The following TRPC4AP variants were observed in gnomAD, a reference collection of about 807,000 sequenced individuals.
The protein encoded by TRPC4AP is short transient receptor potential channel 4-associated protein.
A neutral mutation model predicts 99.0 loss-of-function variants in TRPC4AP; 45 were observed. The ratio of observed to expected loss-of-function variants is 0.45; its 90% CI spans 0.36 to 0.58. The LOEUF (loss-of-function observed/expected upper bound fraction) is 0.58. Ranked by LOEUF, TRPC4AP falls within the 20% of genes least tolerant of loss-of-function variation. TRPC4AP has a pLI of 0.00. For missense variants in TRPC4AP, 879 were observed against 985.3 expected (o/e 0.89, Z 1.44); for synonymous variants, 408 against 385.8 (o/e 1.06, Z -0.67).
At chr20:35,040,360 C>T (rs2083419362) in intron 7 of TRPC4AP, among the ~76,000 whole-genome samples, 1 of 151,986 alleles carries the variant, frequency 6.6e-6, no homozygotes, top group Non-Finnish European at 1.5e-5. Context: ...CAGTGGGAGG[C>T]GATGGAGGAA....
chr20:35,077,761 T>C (rs915671627), intron 2 of TRPC4AP, among the ~76,000 whole-genome samples: 1 of 152,148 alleles, frequency 6.6e-6, no homozygotes, highest in African/African-American at 2.4e-5. Context: ...AATCACAGGA[T>C]AGTGTTGACC....
At chr20:35,067,039 C>G (rs1293152498) in intron 3 of TRPC4AP, among the ~76,000 whole-genome samples, 2 of 152,142 alleles carry the variant, frequency 1.3e-5, no homozygotes, top group Admixed American at 6.5e-5. Flanking sequence ...AGAGATATAT[C>G]TCAACTAAGA....
At chr20:35,042,177 C>T (rs1305728757) in intron 7 of TRPC4AP, among the ~76,000 whole-genome samples, 4 of 152,024 alleles carry the variant, frequency 2.6e-5, no homozygotes, top group Admixed American at 1.3e-4. Flanking sequence ...GGAAGAAAAC[C>T]GTACACAGAC....
At chr20:35,064,385 T>G (rs1569136120) in intron 3 of TRPC4AP, among the ~76,000 whole-genome samples, 1 of 152,230 alleles carries the variant, frequency 6.6e-6, no homozygotes, top group African/African-American at 2.4e-5. Flanking sequence ...CTTGAGGGTC[T>G]GAGAAAGCCT....
Position 35,002,465 on chromosome 20 carries a change from A to C in TRPC4AP, c.*681T>G. The C allele has an allele frequency of 2.9e-6, 1 of 344,686 alleles. No homozygotes were observed. Among genetic ancestry groups the C allele is most frequent in the Non-Finnish European group, 5.2e-6 (1 of 192,798 alleles). 21.4% of individuals were successfully genotyped at this position (344,686 alleles called of 1,614,324 possible). A position where few individuals can be genotyped will look rare whatever the true frequency, so the allele number is the denominator to read the frequency against. ...TAATTGGTTTATTTGCTGTTAATAAATTGGCAACACAAGGAAGGGCCCCAT... is the reference window on the plus strand; with the variant it reads ...TAATTGGTTTATTTGCTGTTAATAACTTGGCAACACAAGGAAGGGCCCCAT... On this transcript the variant is annotated 3_prime_UTR_variant, in exon 19 of 19. Transcript: ENST00000252015.
chr20:35,013,216 C>G, intron 10 of TRPC4AP, 150 bp from the exon 11 acceptor site: 1 of 674,770 alleles, frequency 1.5e-6, no homozygotes, highest in Non-Finnish European at 2.6e-6. Flanking sequence ...CATCTGTTCA[C>G]TTCCACATCT....
chr20:35,062,127 T>C (rs6060194), intron 3 of TRPC4AP, among the ~76,000 whole-genome samples: 121,309 of 152,150 alleles, frequency 0.8, 48,927 homozygotes, highest in African/African-American at 0.9. Flanking sequence ...ACTACGATGG[T>C]TATAATGAAA....
At position 35,056,400 on chromosome 20, in the gene TRPC4AP, G is replaced by A. The variant is rs2083825623; in HGVS notation, c.472+1114C>T. Among the ~76,000 whole-genome samples, 3 of 152,066 alleles carry A rather than the reference G, an allele frequency of 2.0e-5. No homozygotes were observed. The South Asian group carries it at 6.2e-4, about 32-fold the overall frequency. On this transcript the variant is annotated intron_variant, in intron 4 of 18. Transcript: ENST00000252015. ...TGGGAAGAAGAGAGACTAAACAAGT[G>A]CACCAACAAATAATTACAATATGCT...
chr20:35,020,803 T>A (rs1199409087), intron 9 of TRPC4AP, among the ~76,000 whole-genome samples: 4 of 152,234 alleles, frequency 2.6e-5, no homozygotes, highest in African/African-American at 9.6e-5. Context: ...CTTGCCCAGT[T>A]TTCCTAAGCA....
chr20:35,037,103 T>C (rs1403855531), intron 7 of TRPC4AP, among the ~76,000 whole-genome samples: 2 of 152,020 alleles, frequency 1.3e-5, no homozygotes, highest in East Asian at 1.9e-4. Context: ...TCCCAGCACT[T>C]TGGGAGGCCG....
chr20:35,054,873 G>C (rs1220337142), intron 5 of TRPC4AP, 103 bp downstream of exon 5: 2 of 1,022,058 alleles, frequency 2.0e-6, no homozygotes, highest in Admixed American at 4.2e-5. Flanking sequence ...CCCACTGTCT[G>C]AAAGCAGCTC....
intron 3 of TRPC4AP, among the ~76,000 whole-genome samples, chr20:35,059,671 AAAG>A (rs71196782): frequency 0.39 from 59,606 of 150,990 alleles, 12,876 homozygotes; most frequent in East Asian, 0.58. Context: ...AAAAGAAAAA[AAAG>A]AAGAAGAAGA....
Position 35,015,893 on chromosome 20 carries a change from T to C in TRPC4AP, c.1350+115A>G, listed in dbSNP as rs888538810. 8.8e-6 allele frequency: 12 copies of C among 1,356,530 alleles called. No individual in the cohort carries two copies. The African/African-American group carries it at 1.3e-4, about 15-fold the overall frequency. 84.0% of individuals were successfully genotyped at this position (1,356,530 alleles called of 1,614,324 possible). On this transcript the variant is annotated intron_variant, in intron 10 of 18. Coordinates refer to ENST00000252015, the MANE Select transcript of TRPC4AP (RefSeq NM_015638.3). ...CCAATTAGGGGACTATAAGATATGA[T>C]TTTAGTTTCTGCTCTACTCCCAAAG...
chr20:35,058,376 A>T (rs1178461863), intron 3 of TRPC4AP, among the ~76,000 whole-genome samples: 1 of 152,236 alleles, frequency 6.6e-6, no homozygotes, highest in Non-Finnish European at 1.5e-5. Flanking sequence ...GTGCACATGA[A>T]ACATTCTCCA....
At chr20:35,081,034 G>A (rs534673809) in intron 1 of TRPC4AP, among the ~76,000 whole-genome samples, 1 of 151,570 alleles carries the variant, frequency 6.6e-6, no homozygotes, top group South Asian at 2.1e-4. Context: ...ACTTACAATG[G>A]GTAAATTTTA....
chr20:35,052,882 AAC>A (rs879295535), intron 5 of TRPC4AP, among the ~76,000 whole-genome samples: 1 of 152,110 alleles, frequency 6.6e-6, no homozygotes, highest in Non-Finnish European at 1.5e-5. Flanking sequence ...TCCCCACTCC[AAC>A]ACCAGCAATT....
rs1317628381 is a variant in TRPC4AP at position 35,007,586 on chromosome 20, T to G, written c.1650A>C (p.Ala550=). Reference sequence around the variant, plus strand: ...CTCGCTTCAGCAGGAACATCTGGTCTGCATAGGAGGTGGTCCCTCGGAGGA... The same window carrying G: ...CTCGCTTCAGCAGGAACATCTGGTCGGCATAGGAGGTGGTCCCTCGGAGGA... ...ESFLRGTTSY[A]DQMFLLKRGL... Residue 550 remains alanine (A), a synonymous_variant, in exon 14 of 19, where the codon GCA becomes GCC. Coordinates refer to ENST00000252015, the MANE Select transcript of TRPC4AP (RefSeq NM_015638.3). 6 of 1,614,196 alleles carry G rather than the reference T, an allele frequency of 3.7e-6. No homozygotes were observed. In the South Asian group the frequency reaches 6.6e-5, roughly 18 times the overall value.
chr20:35,007,499 C>A (rs375584281), intron 14 of TRPC4AP, 51 bp downstream of exon 14: 1 of 1,583,676 alleles, frequency 6.3e-7, no homozygotes, highest in African/African-American at 1.3e-5. Flanking sequence ...CACAGCAACG[C>A]GTGGGCTGGG....
chr20:35,044,363 G>A, intron 7 of TRPC4AP, 142 bp downstream of exon 7: 1 of 850,920 alleles, frequency 1.2e-6, no homozygotes, highest in Non-Finnish European at 1.7e-6. Context: ...CTGCACTCCT[G>A]CCTGGGTGAC....
Sources: allele counts gnomAD v4.1 joint callset (sites outside exome capture counted in the v4.1 genomes callset), GRCh38; gene constraint gnomAD v4.1.1; transcripts MANE v1.5; gene names NCBI Gene and HGNC (gene_info 2026-07-23, HGNC 2026-07-21).